The following FGGY variants were observed in gnomAD, a reference collection of about 807,000 sequenced individuals.
The protein encoded by FGGY is FGGY carbohydrate kinase domain containing.
FGGY carries 72 observed loss-of-function variants against 71.3 expected under a neutral mutation model. That is an observed-to-expected ratio of 1.01 (90% CI 0.84 to 1.23). FGGY has a LOEUF of 1.23. FGGY is among the 50% of genes most tolerant of loss of function. The probability of loss-of-function intolerance (pLI) is 0.00; values close to 1 mark genes in which losing one functional copy is unlikely to be tolerated. For missense variants in FGGY, 668 were observed against 682.3 expected, an observed-to-expected ratio of 0.98 and a Z score of 0.23; for synonymous variants, 251 against 250.3, an observed-to-expected ratio of 1.00 and a Z score of -0.02.
chr1:59,647,379 G>A (rs1558661693), intron 11 of FGGY, among the ~76,000 whole-genome samples: 1 of 152,200 alleles, frequency 6.6e-6, no homozygotes, highest in Non-Finnish European at 1.5e-5. Flanking sequence ...GTGTGGTGTA[G>A]AATTCACCAA....
intron 14 of FGGY, among the ~76,000 whole-genome samples, chr1:59,727,153 T>C (rs1317063473): frequency 6.6e-6 from 1 of 152,236 alleles, no homozygotes; most frequent in South Asian, 2.1e-4. Flanking sequence ...TTTGGTTTTC[T>C]GTTCCTACAT....
intron 14 of FGGY, among the ~76,000 whole-genome samples, chr1:59,746,467 A>G (rs2098198690): frequency 6.6e-6 from 1 of 152,088 alleles, no homozygotes; most frequent in Admixed American, 6.6e-5. Context: ...AGTCCATCCA[A>G]TAGGCCTATA....
intron 6 of FGGY, among the ~76,000 whole-genome samples, chr1:59,503,010 T>A (rs560529164): frequency 6.6e-6 from 1 of 152,316 alleles, no homozygotes; most frequent in East Asian, 1.9e-4. Flanking sequence ...CATCACATTC[T>A]ATGCCTGCCC....
intron 8 of FGGY, among the ~76,000 whole-genome samples, chr1:59,593,807 G>A (rs1047528712): frequency 1.3e-5 from 2 of 152,180 alleles, no homozygotes; most frequent in African/African-American, 2.4e-5. Context: ...CACAGGACCT[G>A]ACACATAGAA....
intron 14 of FGGY, among the ~76,000 whole-genome samples, chr1:59,693,292 C>T (rs1211720283): frequency 6.6e-6 from 1 of 152,238 alleles, no homozygotes; most frequent in African/African-American, 2.4e-5. Context: ...TGCTCAGCCT[C>T]AGTTTTCTAT....
chr1:59,405,018 G>A (rs2062533939), intron 5 of FGGY, among the ~76,000 whole-genome samples: 1 of 152,150 alleles, frequency 6.6e-6, no homozygotes, highest in South Asian at 2.1e-4. Flanking sequence ...ACGAAAGATT[G>A]GAATTTCCCA....
At chr1:59,722,391 A>G (rs1390892931) in intron 14 of FGGY, among the ~76,000 whole-genome samples, 1 of 152,188 alleles carries the variant, frequency 6.6e-6, no homozygotes, top group Non-Finnish European at 1.5e-5. Context: ...AGAAGTCACT[A>G]AACACATCTC....
intron 14 of FGGY, among the ~76,000 whole-genome samples, chr1:59,715,014 T>C (rs2097833202): frequency 6.6e-6 from 1 of 152,226 alleles, no homozygotes; most frequent in Admixed American, 6.5e-5. Context: ...GTGACATTTC[T>C]GGATGCCCTT....
chr1:59,421,791 G>A (rs886160134), intron 5 of FGGY, among the ~76,000 whole-genome samples: 1 of 150,642 alleles, frequency 6.6e-6, no homozygotes, highest in African/African-American at 2.4e-5. Context: ...GCCTTCTTGG[G>A]CTTGAGGTCT....
rs2093673082 is a variant in FGGY at position 59,486,861 on chromosome 1, T to G, written c.671-25450T>G. Among the ~76,000 whole-genome samples the G allele has an allele frequency of 1.3e-5, 2 of 152,184 alleles. 1 individual carries two copies. The highest frequency in any genetic ancestry group is 4.1e-4 in the South Asian group (2 of 4,832). ...CTTGAAAATCCCTGAGGGAGCTATC[T>G]CCACAGTGGAAACTGATAAGCTATC... On this transcript the variant is annotated intron_variant, in intron 6 of 15. Coordinates refer to ENST00000303721, the MANE Select transcript of FGGY (RefSeq NM_018291.5).
chr1:59,732,451 G>A (rs934221427), intron 14 of FGGY, among the ~76,000 whole-genome samples: 1 of 152,194 alleles, frequency 6.6e-6, no homozygotes, highest in African/African-American at 2.4e-5. Flanking sequence ...GATACAAGCA[G>A]CTGCTCCCTG....
chr1:59,468,130 C>T (rs754645805), intron 6 of FGGY, among the ~76,000 whole-genome samples: 21 of 152,082 alleles, frequency 1.4e-4, no homozygotes, highest in Admixed American at 2.0e-4. Flanking sequence ...CTCGAACTCT[C>T]GACCTCAAGT....
intron 14 of FGGY, among the ~76,000 whole-genome samples, chr1:59,692,574 A>G (rs988119608): frequency 1.3e-5 from 2 of 151,890 alleles, no homozygotes; most frequent in African/African-American, 2.4e-5. Flanking sequence ...AGGGTTCCCA[A>G]TTTGGGAACT....
intron 4 of FGGY, among the ~76,000 whole-genome samples, chr1:59,346,946 T>TC (rs892812476): frequency 1.5e-5 from 2 of 135,626 alleles, no homozygotes; most frequent in African/African-American, 5.6e-5. Flanking sequence ...CAAAATCAAT[T>TC]CTTTTTTTTT....
chr1:59,366,385 C>T (rs11588505), intron 4 of FGGY, among the ~76,000 whole-genome samples: 29,138 of 151,776 alleles, frequency 0.19, 3,335 homozygotes, highest in East Asian at 0.35. Context: ...ATATTTATTC[C>T]ACTTGATGTT....
chr1:59,362,387 TTCCTAA>T (rs1330169248), intron 4 of FGGY, among the ~76,000 whole-genome samples: 7 of 152,180 alleles, frequency 4.6e-5, no homozygotes, highest in Non-Finnish European at 1.0e-4. Context: ...TGTCCTAACA[TTCCTAA>T]AACTGTGTTC....
At chr1:59,516,955 C>T (rs1480507946) in intron 7 of FGGY, among the ~76,000 whole-genome samples, 1 of 152,038 alleles carries the variant, frequency 6.6e-6, no homozygotes, top group African/African-American at 2.4e-5. Flanking sequence ...CCATGCTTTT[C>T]CCAGTTCTGG....
At chr1:59,326,377 A>G (rs1288410499) in intron 2 of FGGY, among the ~76,000 whole-genome samples, 2 of 152,248 alleles carry the variant, frequency 1.3e-5, no homozygotes, top group African/African-American at 4.8e-5. Context: ...GACAGAAGAA[A>G]GAGTAGCCAC....
Position 59,667,256 on chromosome 1 carries a change from ATGCTATCTTC to A in FGGY, c.1297-22_1297-13del. ...AGTGTTTACTTTTGTGACTATACTG[ATGCTATCTTC>A]TGCTTTTCCTTTCAAGTTGGGGACT... is the stretch of plus-strand genomic sequence containing the variant. On this transcript the variant is annotated splice_polypyrimidine_tract_variant and intron_variant, in intron 12 of 15. Coordinates refer to ENST00000303721, the MANE Select transcript of FGGY (RefSeq NM_018291.5). 2 of 1,613,660 alleles carry A rather than the reference ATGCTATCTTC, an allele frequency of 1.2e-6. No individual in the cohort carries two copies. The highest frequency in any genetic ancestry group is 2.2e-5 in the South Asian group (2 of 91,084).
Sources: gnomAD v4.1 joint callset for allele counts (sites outside exome capture counted in the v4.1 genomes callset) on GRCh38, gnomAD v4.1.1 for gene constraint, MANE v1.5 for transcripts, NCBI Gene and HGNC (gene_info 2026-07-23, HGNC 2026-07-21) for gene names.